CNTNAP5: variants seen among roughly 807,000 people sequenced by gnomAD.
CNTNAP5 encodes contactin associated protein family member 5.
Under a neutral mutation model 150.2 loss-of-function variants are expected in CNTNAP5, and 72 were observed. That is an observed-to-expected ratio of 0.48 (90% CI 0.40 to 0.58). The LOEUF is 0.58. Among genes scored for constraint, CNTNAP5 ranks in the 20% least tolerant of loss-of-function variants. The pLI, the probability that CNTNAP5 is intolerant of heterozygous loss-of-function variation, is 0.00. For synonymous variants in CNTNAP5, 672 were observed against 619.8 expected (o/e 1.08, Z -1.25); for missense variants, 1,636 against 1,626.2 (o/e 1.01, Z -0.10).
chr2:124,156,734 C>T (rs776540039), intron 1 of CNTNAP5, among the ~76,000 whole-genome samples: 19 of 152,152 alleles, frequency 1.2e-4, no homozygotes, highest in Admixed American at 1.3e-4. Flanking sequence ...GGTGATCCAC[C>T]CACCTCGGCC....
chr2:124,490,737 AT>A (rs1364309760), intron 7 of CNTNAP5, among the ~76,000 whole-genome samples: 4 of 152,248 alleles, frequency 2.6e-5, no homozygotes, highest in Non-Finnish European at 4.4e-5. Flanking sequence ...AAGACTTCAT[AT>A]AAAAGTAAAA....
At chr2:124,682,168 A>G (rs563913223) in intron 13 of CNTNAP5, among the ~76,000 whole-genome samples, 9 of 152,284 alleles carry the variant, frequency 5.9e-5, no homozygotes, top group African/African-American at 2.2e-4. Context: ...ACATGAATGC[A>G]ACCTTGAAGA....
At chr2:124,052,668 C>G (rs1434961406) in intron 1 of CNTNAP5, among the ~76,000 whole-genome samples, 1 of 152,182 alleles carries the variant, frequency 6.6e-6, no homozygotes, top group African/African-American at 2.4e-5. Context: ...TGCATCTTCC[C>G]CCTGAGTTCA....
intron 19 of CNTNAP5, among the ~76,000 whole-genome samples, chr2:124,856,483 C>G (rs1027501963): frequency 1.3e-5 from 2 of 151,986 alleles, no homozygotes; most frequent in Non-Finnish European, 2.9e-5. Flanking sequence ...CTTTTCACTG[C>G]ATCCATGCCA....
intron 1 of CNTNAP5, among the ~76,000 whole-genome samples, chr2:124,103,188 AT>A (rs1683102343): frequency 6.6e-6 from 1 of 152,228 alleles, no homozygotes; most frequent in Non-Finnish European, 1.5e-5. Flanking sequence ...CAAAATAAGA[AT>A]TATAAAATAT....
chr2:124,909,858 T>TATATATATAA (rs56823375), intron 22 of CNTNAP5, among the ~76,000 whole-genome samples: 6 of 143,496 alleles, frequency 4.2e-5, no homozygotes, highest in Non-Finnish European at 7.6e-5. Context: ...TATATATATA[T>TATATATATAA]GTTCTTCTCC....
intron 1 of CNTNAP5, among the ~76,000 whole-genome samples, chr2:124,031,243 T>C (rs1265468553): frequency 1.3e-5 from 2 of 152,020 alleles, no homozygotes; most frequent in African/African-American, 2.4e-5. Flanking sequence ...TCTCCTCAAC[T>C]AGGATGCAAA....
At chr2:124,508,614 C>A (rs568786112) in intron 8 of CNTNAP5, among the ~76,000 whole-genome samples, 147 of 152,330 alleles carry the variant, frequency 9.7e-4, no homozygotes, top group African/African-American at 3.5e-3. Flanking sequence ...CCTTACCCAG[C>A]TGCAGAAAGG....
chr2:124,737,053 G>T (rs11123065), intron 13 of CNTNAP5, among the ~76,000 whole-genome samples: 38,337 of 151,918 alleles, frequency 0.25, 5,451 homozygotes, highest in Non-Finnish European at 0.34. Context: ...AGTACTTTGG[G>T]AGGCTGAGGC....
At chr2:124,173,532 C>A (rs1233615594) in intron 1 of CNTNAP5, among the ~76,000 whole-genome samples, 1 of 152,178 alleles carries the variant, frequency 6.6e-6, no homozygotes, top group Non-Finnish European at 1.5e-5. Context: ...ATGATCAAAC[C>A]AACCACAGCA....
chr2:124,414,195 G>A (rs1691857958), intron 3 of CNTNAP5, among the ~76,000 whole-genome samples: 1 of 151,372 alleles, frequency 6.6e-6, no homozygotes, highest in African/African-American at 2.4e-5. Context: ...AACTGAGATG[G>A]CTTTGAATAG....
At chr2:124,230,880 A>G (rs1380982751) in intron 2 of CNTNAP5, among the ~76,000 whole-genome samples, 2 of 152,050 alleles carry the variant, frequency 1.3e-5, no homozygotes, top group Non-Finnish European at 2.9e-5. Flanking sequence ...GGGTCAGTGG[A>G]TTACCCCCTC....
chr2:124,590,120 G>T (rs958858536), intron 11 of CNTNAP5, among the ~76,000 whole-genome samples: 1 of 152,090 alleles, frequency 6.6e-6, no homozygotes, highest in Admixed American at 6.5e-5. Context: ...ATAGGAAGAA[G>T]GTCCTCACTA....
At chr2:124,563,948 A>G (rs1695950656) in intron 11 of CNTNAP5, among the ~76,000 whole-genome samples, 1 of 152,178 alleles carries the variant, frequency 6.6e-6, no homozygotes, top group South Asian at 2.1e-4. Context: ...GGCACACCCA[A>G]CCTCAATAGG....
chr2:124,206,063 C>T (rs1685855840), intron 1 of CNTNAP5, among the ~76,000 whole-genome samples: 2 of 152,158 alleles, frequency 1.3e-5, no homozygotes. Flanking sequence ...CCTAAACATT[C>T]TGAAATTGAT....
intron 1 of CNTNAP5, among the ~76,000 whole-genome samples, chr2:124,130,160 G>T (rs1201551797): frequency 6.6e-6 from 1 of 152,120 alleles, no homozygotes; most frequent in African/African-American, 2.4e-5. Flanking sequence ...TATTGTCAGG[G>T]CCTGCAACTG....
chr2:124,071,663 G>A (rs1162594059), intron 1 of CNTNAP5, among the ~76,000 whole-genome samples: 2 of 151,596 alleles, frequency 1.3e-5, no homozygotes, highest in African/African-American at 2.4e-5. Context: ...AACCATGAAG[G>A]AATCCAAAAT....
chr2:124,410,078 A>T (rs1691707591), intron 3 of CNTNAP5, among the ~76,000 whole-genome samples: 1 of 152,188 alleles, frequency 6.6e-6, no homozygotes, highest in South Asian at 2.1e-4. Context: ...AGGGGTTGCC[A>T]TCCTAGTCTC....
At chr2:124,279,425 G>C (rs1687961491) in intron 3 of CNTNAP5, among the ~76,000 whole-genome samples, 1 of 152,038 alleles carries the variant, frequency 6.6e-6, no homozygotes, top group Non-Finnish European at 1.5e-5. Context: ...ATTCTGTGTA[G>C]TATGAGCTCA....
Sources: allele counts gnomAD v4.1 joint callset (sites outside exome capture counted in the v4.1 genomes callset), GRCh38; gene constraint gnomAD v4.1.1; transcripts MANE v1.5; gene names NCBI Gene and HGNC (gene_info 2026-07-23, HGNC 2026-07-21).